The following SMTN variants were observed in gnomAD, a reference collection of about 807,000 sequenced individuals.
SMTN encodes smoothelin.
In SMTN, 58 loss-of-function variants were observed where a neutral mutation model predicts 102.0. The observed-to-expected ratio is 0.57, with a 90% CI of 0.46 to 0.71. The LOEUF (loss-of-function observed/expected upper bound fraction) is 0.71. Among genes scored for constraint, SMTN ranks in the 30% least tolerant of loss-of-function variants. The probability of loss-of-function intolerance (pLI) is 0.00; values close to 1 mark genes in which losing one functional copy is unlikely to be tolerated. For missense variants in SMTN, 1,185 were observed against 1,241.7 expected (o/e 0.95, Z 0.69); for synonymous variants, 478 against 497.9 (o/e 0.96, Z 0.53).
Position 31,090,904 on chromosome 22 carries a change from A to G in SMTN, c.937+25A>G, listed in dbSNP as rs760402364. The G allele has an allele frequency of 1.9e-6, 3 of 1,613,774 alleles. No individual in the cohort carries two copies. In the South Asian group the frequency reaches 3.3e-5, roughly 18 times the overall value. ...GGTACTACCTATTCTCACCCTGCCT[A>G]GGATCTGTGCAGACCCTGTCCCACC... is the stretch of plus-strand genomic sequence containing the variant. On this transcript the variant is annotated intron_variant, in intron 9 of 20. Transcript: ENST00000333137.
intron 7 of SMTN, 27 bp downstream of exon 7, chr22:31,090,046 C>T: frequency 5.6e-6 from 9 of 1,610,002 alleles, no homozygotes; most frequent in Non-Finnish European, 7.6e-6. Context: ...GGCAGGGATG[C>T]CAGGCAAGTG....
chr22:31,088,178 G>A, intron 3 of SMTN, 65 bp downstream of exon 3: 1 of 1,509,804 alleles, frequency 6.6e-7, no homozygotes, highest in Non-Finnish European at 9.0e-7. Context: ...CAGCTCATGT[G>A]TGCAGGCAGG....
chr22:31,070,860 G>T (rs886269124), intron 1 of SMTN, among the ~76,000 whole-genome samples: 6 of 149,778 alleles, frequency 4.0e-5, no homozygotes, highest in Non-Finnish European at 5.9e-5. Flanking sequence ...GGAAGCAGAG[G>T]TTGCAGTGAG....
upstream of SMTN, among the ~76,000 whole-genome samples, chr22:31,079,833 G>A (rs555470518): frequency 2.6e-5 from 4 of 152,164 alleles, no homozygotes; most frequent in East Asian, 3.9e-4. Flanking sequence ...GCACAATCTC[G>A]GCTCACTGCA....
chr22:31,088,603 A>G lies in SMTN; in HGVS notation c.291A>G (p.Ala97=). The change falls in exon 4 of 21, where the codon GCA becomes GCG. Residue 97 remains alanine, a synonymous_variant. Coordinates refer to ENST00000333137, the MANE Select transcript of SMTN (RefSeq NM_134269.3). The part of the protein sequence containing the change: ...ESMNDVEELT[A]LLRSAGEYEE... Reference sequence around the variant, plus strand: ...TGAACGATGTGGAGGAATTGACTGCACTGGTGAGGCCCAGGCTGGGGCAGG... The same window carrying G: ...TGAACGATGTGGAGGAATTGACTGCGCTGGTGAGGCCCAGGCTGGGGCAGG... 1 of 1,613,876 alleles carries G rather than the reference A, an allele frequency of 6.2e-7. No homozygotes were observed. Among genetic ancestry groups the G allele is most frequent in the Non-Finnish European group, 8.5e-7 (1 of 1,179,856 alleles).
In SMTN at chr22:31,091,266, G is replaced by C. The variant is rs780351501; in HGVS notation, c.1243G>C (p.Gly415Arg). Reference sequence around the variant, plus strand: ...GCTTCGAAGCTGCCCCCAGGAGGAGGGCCCCAGGGGGCGGGGCTTGGCTGC... The same window carrying C: ...GCTTCGAAGCTGCCCCCAGGAGGAGCGCCCCAGGGGGCGGGGCTTGGCTGC... ...AQLRSCPQEEGPRGRGLAARP... is the reference protein window; with the variant it reads ...AQLRSCPQEERPRGRGLAARP... Residue 415 changes from glycine (G) to arginine (R), a missense_variant, in exon 10 of 21, where the codon GGC becomes CGC. This residue lies in a region of SMTN where 1,096 missense variants were observed against 1,112.7 expected (regional missense o/e 0.98). Transcript: ENST00000333137. The C allele has an allele frequency of 2.2e-5, 35 of 1,599,286 alleles. No homozygotes were observed. Among genetic ancestry groups the C allele is most frequent in the Middle Eastern group, 3.3e-4 (2 of 6,062 alleles).
At chr22:31,104,136 A>C in intron 20 of SMTN, 180 bp from the exon 21 acceptor site, 1 of 644,924 alleles carries the variant, frequency 1.6e-6, no homozygotes, top group South Asian at 2.1e-5. Context: ...GCCCCGAGAG[A>C]TGCCTCCAGG....
At chr22:31,078,362 C>T (rs549546336), upstream of SMTN, among the ~76,000 whole-genome samples, 2 of 152,266 alleles carry the variant, frequency 1.3e-5, no homozygotes, top group Admixed American at 6.5e-5. Context: ...AAAATATTAC[C>T]CCTAGCCTCT....
At chr22:31,087,521 G>A (rs2042786363) in intron 2 of SMTN, among the ~76,000 whole-genome samples, 1 of 152,190 alleles carries the variant, frequency 6.6e-6, no homozygotes, top group South Asian at 2.1e-4. Context: ...TTGGTGACTA[G>A]ACCAGGGAGC....
rs978158342 is a variant in SMTN, at chr22:31,104,580, C to G, written c.*285C>G. On this transcript the variant is annotated 3_prime_UTR_variant, in exon 21 of 21. Transcript: ENST00000333137. ...CCTGTCTGTTGCGACACCCTCCCCC[C>G]CACATACACACGCAGCGTTTTGATA... 3.9e-6 allele frequency: 4 copies of G among 1,015,884 alleles called. No homozygotes were observed. The highest frequency in any genetic ancestry group is 3.8e-5 in the Admixed American group (2 of 52,746). 62.9% of individuals were successfully genotyped at this position (1,015,884 alleles called of 1,614,324 possible).
chr22:31,079,869 T>G (rs1057264241), upstream of SMTN, among the ~76,000 whole-genome samples: 2 of 152,214 alleles, frequency 1.3e-5, no homozygotes, highest in Admixed American at 6.5e-5. Context: ...TTCAAGTGAT[T>G]CTACTGCCTC....
chr22:31,084,917 G>T (rs2042563476), intron 2 of SMTN: 7 of 1,319,664 alleles, frequency 5.3e-6, no homozygotes, highest in Admixed American at 3.8e-5. Flanking sequence ...AAGAACGGGG[G>T]CGTCCCGAGC....
intron 18 of SMTN, 52 bp downstream of exon 18, chr22:31,099,231 ACACCTCCTTCTTAGCAGAGCTC>A (rs2043881662): frequency 8.6e-7 from 1 of 1,169,434 alleles, no homozygotes. Flanking sequence ...CCCCAGCTCA[ACACCTCCTTCTTAGCAGAGCTC>A]CTATTACCCA....
chr22:31,100,010 C>T (rs1280354250), intron 19 of SMTN, 114 bp downstream of exon 19: 30 of 990,866 alleles, frequency 3.0e-5, no homozygotes, highest in Non-Finnish European at 4.1e-5. Flanking sequence ...TGTCAGTCAG[C>T]GGCTGAGACC....
upstream of SMTN, among the ~76,000 whole-genome samples, chr22:31,078,885 A>T (rs1210609564): frequency 2.2e-4 from 34 of 152,168 alleles, no homozygotes; most frequent in Admixed American, 1.6e-3. Flanking sequence ...CTCCAAAAAA[A>T]ATAAAATAAA....
chr22:31,072,194 C>T (rs2042021110), intron 1 of SMTN, among the ~76,000 whole-genome samples: 1 of 152,138 alleles, frequency 6.6e-6, no homozygotes, highest in South Asian at 2.1e-4. Flanking sequence ...GATCCCCATC[C>T]CATGCAAGCT....
upstream of SMTN, among the ~76,000 whole-genome samples, chr22:31,079,230 T>C (rs7287497): frequency 2.0e-5 from 3 of 152,356 alleles, no homozygotes; most frequent in African/African-American, 7.2e-5. Flanking sequence ...TCCCTAGCAC[T>C]GTACCGGACT....
chr22:31,070,594 C>G (rs992440283), intron 1 of SMTN, among the ~76,000 whole-genome samples: 1 of 152,148 alleles, frequency 6.6e-6, no homozygotes, highest in African/African-American at 2.4e-5. Flanking sequence ...CTCCTCTGAC[C>G]TCCCAGAACT....
intron 1 of SMTN, among the ~76,000 whole-genome samples, chr22:31,073,011 C>CTTTTTTTTTTTTTTT (rs59040826): frequency 2.3e-5 from 2 of 85,684 alleles, no homozygotes; most frequent in African/African-American, 5.1e-5. Flanking sequence ...CTCTCTCTCT[C>CTTTTTTTTTTTTTTT]TTTTTTTTTT....
Sources: gnomAD v4.1 joint callset for allele counts (sites outside exome capture counted in the v4.1 genomes callset) on GRCh38, gnomAD v4.1.1 for gene constraint, gnomAD v4.1.1 regional missense constraint, MANE v1.5 for transcripts, NCBI Gene and HGNC (gene_info 2026-07-23, HGNC 2026-07-21) for gene names.